AP2M1: variants seen among roughly 807,000 people sequenced by gnomAD.
The protein encoded by AP2M1 is AP-2 complex subunit mu.
Under a neutral mutation model 54.5 loss-of-function variants are expected in AP2M1, and 5 were observed. That is an observed-to-expected ratio of 0.09 (90% CI 0.05 to 0.19). AP2M1 has a LOEUF of 0.19. AP2M1 is among the 10% of genes least tolerant of loss of function. The pLI, the probability that AP2M1 is intolerant of heterozygous loss-of-function variation, is 1.00. For synonymous variants in AP2M1, 186 were observed against 208.2 expected (o/e 0.89, Z 0.92); for missense variants, 178 against 580.2 (o/e 0.31, Z 7.12).
In AP2M1 at chr3:184,183,808, C is replaced by A; in HGVS notation, c.*192C>A. On this transcript the variant is annotated 3_prime_UTR_variant, in exon 12 of 12. Coordinates refer to ENST00000292807, the MANE Select transcript of AP2M1 (RefSeq NM_004068.4). The surrounding 1 kb of genome is among the most constrained non-coding windows in gnomAD (Gnocchi z 5.7). ...TGGAGCAGCCCCTGGGCTCCCTGGG[C>A]AGGGGAGTTCTGAGGCTCCTGCTCT... 1 of 618,264 alleles carries A rather than the reference C, an allele frequency of 1.6e-6. No homozygotes were observed. The highest frequency in any genetic ancestry group is 2.8e-6 in the Non-Finnish European group (1 of 363,516). The allele number at this position is 618,264 out of a possible 1,614,324, so 38.3% of individuals were successfully genotyped here. A position where few individuals can be genotyped will look rare whatever the true frequency, so the allele number is the denominator to read the frequency against.
Position 184,178,723 on chromosome 3 carries a change from C to T in AP2M1, c.75-134C>T, listed in dbSNP as rs2231215. The T allele has an allele frequency of 1.8e-5, 21 of 1,141,964 alleles. 1 individual carries two copies. Among genetic ancestry groups the T allele is most frequent in the Admixed American group, 1.5e-4 (6 of 39,726 alleles). The allele number at this position is 1,141,964 out of a possible 1,614,324, so 70.7% of individuals were successfully genotyped here. ...AAGGGAACCACTCCAGTGGTTTAGG[C>T]ATTGGCTTTCTTTGGAGTGTGTGTG... On this transcript the variant is annotated intron_variant, in intron 2 of 11. Coordinates refer to ENST00000292807, the MANE Select transcript of AP2M1 (RefSeq NM_004068.4). This position sits in a 1 kb window ranked among gnomAD's most constrained non-coding sequence, Gnocchi z 4.9.
Position 184,181,855 on chromosome 3 carries a change from A to C in AP2M1, c.827+40A>C, listed in dbSNP as rs1470074501. The C allele has an allele frequency of 2.5e-6, 4 of 1,614,084 alleles. No homozygotes were observed. Among genetic ancestry groups the C allele is most frequent in the Non-Finnish European group, 3.4e-6 (4 of 1,179,944 alleles). On this transcript the variant is annotated intron_variant, in intron 8 of 11. Coordinates refer to ENST00000292807, the MANE Select transcript of AP2M1 (RefSeq NM_004068.4). This position sits in a 1 kb window ranked among gnomAD's most constrained non-coding sequence, Gnocchi z 5.7. ...TGAGGAGGCAGCTAGTGCTGCTGGCAGACTGGGGAGAGGAAGTGGGTCAGC... is the reference window on the plus strand; with the variant it reads ...TGAGGAGGCAGCTAGTGCTGCTGGCCGACTGGGGAGAGGAAGTGGGTCAGC...
At chr3:184,176,302 C>G (rs1715070815) in intron 1 of AP2M1, among the ~76,000 whole-genome samples, 1 of 152,124 alleles carries the variant, frequency 6.6e-6, no homozygotes, top group Non-Finnish European at 1.5e-5. Context: ...GCCCTAGGAC[C>G]TTCCTCCTGT....
chr3:184,183,405 G>C lies in AP2M1; in HGVS notation c.1174-77G>C. 1.3e-6 allele frequency: 2 copies of C among 1,592,084 alleles called. No homozygotes were observed. Among genetic ancestry groups the C allele is most frequent in the Non-Finnish European group, 8.6e-7 (1 of 1,167,686 alleles). On this transcript the variant is annotated intron_variant, in intron 11 of 11. Coordinates refer to ENST00000292807, the MANE Select transcript of AP2M1 (RefSeq NM_004068.4). The surrounding 1 kb of genome is among the most constrained non-coding windows in gnomAD (Gnocchi z 5.7). ...AACACCTGTAGTAGCGATGAAGTAG[G>C]GCAGGGCAACGGGACTTCCCAGAGG...
At position 184,175,207 on chromosome 3, in the gene AP2M1, T is replaced by G. The variant is rs111679843; in HGVS notation, c.-44+248T>G. ...CGCCTCCCATGAGAGGGATACCGCT[T>G]GGAATCCTCCCAGAGCAGGAACGCT... On this transcript the variant is annotated intron_variant, in intron 1 of 11. Transcript: ENST00000292807. 6.2e-5 allele frequency: 24 copies of G among 385,292 alleles called. 3 individuals are homozygous for G. Among genetic ancestry groups the G allele is most frequent in the African/African-American group, 3.3e-4 (16 of 48,300 alleles). The allele number at this position is 385,292 out of a possible 1,614,324, so 23.9% of individuals were successfully genotyped here. A position where few individuals can be genotyped will look rare whatever the true frequency, so the allele number is the denominator to read the frequency against.
intron 2 of AP2M1, chr3:184,177,958 G>A: frequency 1.6e-6 from 1 of 615,392 alleles, no homozygotes; most frequent in Non-Finnish European, 2.9e-6. Flanking sequence ...TGTGGCATGA[G>A]CTAGAGCTGC....
At position 184,183,293 on chromosome 3, in the gene AP2M1, A is replaced by G; in HGVS notation, c.1174-189A>G. ...TCCTGCTGATTAAAGGAACTGATTC[A>G]AGGTGTCACAGGTAGGGCTTTCTTC... On this transcript the variant is annotated intron_variant, in intron 11 of 11. Transcript: ENST00000292807. The surrounding 1 kb of genome is among the most constrained non-coding windows in gnomAD (Gnocchi z 5.7). The G allele has an allele frequency of 1.4e-6, 1 of 720,190 alleles. No homozygotes were observed. The highest frequency in any genetic ancestry group is 2.3e-6 in the Non-Finnish European group (1 of 438,698). The allele number at this position is 720,190 out of a possible 1,614,324, so 44.6% of individuals were successfully genotyped here.
chr3:184,178,033 T>C lies in AP2M1; in HGVS notation c.75-824T>C, dbSNP rs1715136904. Among the ~76,000 whole-genome samples, 1 of 146,040 alleles carries C rather than the reference T, an allele frequency of 6.8e-6. No individual in the cohort carries two copies. Among genetic ancestry groups the C allele is most frequent in the African/African-American group, 2.5e-5 (1 of 40,144 alleles). Reference sequence around the variant, plus strand: ...ACACCCCCCACCCCAGACCCCCTCCTGCCTTGGATGGACTGGGCAAGCCAA... The same window carrying C: ...ACACCCCCCACCCCAGACCCCCTCCCGCCTTGGATGGACTGGGCAAGCCAA... On this transcript the variant is annotated intron_variant, in intron 2 of 11. Coordinates refer to ENST00000292807, the MANE Select transcript of AP2M1 (RefSeq NM_004068.4). This position sits in a 1 kb window ranked among gnomAD's most constrained non-coding sequence, Gnocchi z 4.9.
In AP2M1 at chr3:184,183,373, CCATA is replaced by C; in HGVS notation, c.1174-106_1174-103del. 9 of 1,515,322 alleles carry C rather than the reference CCATA, an allele frequency of 5.9e-6. No individual in the cohort carries two copies. The highest frequency in any genetic ancestry group is 7.1e-6 in the Non-Finnish European group (8 of 1,123,228). 93.9% of individuals were successfully genotyped at this position (1,515,322 alleles called of 1,614,324 possible). On this transcript the variant is annotated intron_variant, in intron 11 of 11. Coordinates refer to ENST00000292807, the MANE Select transcript of AP2M1 (RefSeq NM_004068.4). The surrounding 1 kb of genome is among the most constrained non-coding windows in gnomAD (Gnocchi z 5.7). Reference sequence around the variant, plus strand: ...GCCCCAGCTTCTTTCAGGACCCCAGCCATACAAACACCTGTAGTAGCGATGAAGT... The same window carrying C: ...GCCCCAGCTTCTTTCAGGACCCCAGCCAAACACCTGTAGTAGCGATGAAGT...
chr3:184,176,937 C>T lies in AP2M1; in HGVS notation c.-43-14C>T. ...TTCTGAGGTCTTCTTTTACCCTGCCCCCGCCTGTCCTAGGTCTGTTCTCAG... is the reference window on the plus strand; with the variant it reads ...TTCTGAGGTCTTCTTTTACCCTGCCTCCGCCTGTCCTAGGTCTGTTCTCAG... On this transcript the variant is annotated splice_polypyrimidine_tract_variant and intron_variant, in intron 1 of 11. Coordinates refer to ENST00000292807, the MANE Select transcript of AP2M1 (RefSeq NM_004068.4). The T allele has an allele frequency of 6.3e-7, 1 of 1,579,188 alleles. No individual in the cohort carries two copies. The highest frequency in any genetic ancestry group is 1.1e-5 in the South Asian group (1 of 87,626).
At position 184,182,228 on chromosome 3, in the gene AP2M1, C is replaced by T. The variant is rs770699298; in HGVS notation, c.1041C>T (p.Ser347=). Residue 347 remains serine (S), a synonymous_variant, in exon 10 of 12, where the codon AGC becomes AGT. Transcript: ENST00000292807. This position sits in a 1 kb window ranked among gnomAD's most constrained non-coding sequence, Gnocchi z 5.5. ...CMKGKAKYKA[S]ENAIVWKIKR... is the part of the protein sequence containing the mutation. ...AGGGGAAGGCCAAGTACAAGGCCAGCGAGAATGCCATCGTGTGGAAGTGAG... is the reference window on the plus strand; with the variant it reads ...AGGGGAAGGCCAAGTACAAGGCCAGTGAGAATGCCATCGTGTGGAAGTGAG... The T allele has an allele frequency of 1.4e-5, 23 of 1,613,976 alleles. No individual in the cohort carries two copies. In the South Asian group the frequency reaches 1.9e-4, roughly 13 times the overall value.
At position 184,180,681 on chromosome 3, in the gene AP2M1, A is replaced by G. The variant is rs1394228917; in HGVS notation, c.429+31A>G. On this transcript the variant is annotated intron_variant, in intron 5 of 11. Transcript: ENST00000292807. The surrounding 1 kb of genome is among the most constrained non-coding windows in gnomAD (Gnocchi z 4.9). ...CTCTTCCCTCAGCTTCCACCCTTGC[A>G]GCTTTGCTTTGTTTCTCCAGGCCCT... 1 of 1,614,068 alleles carries G rather than the reference A, an allele frequency of 6.2e-7. No homozygotes were observed. The highest frequency in any genetic ancestry group is 2.2e-5 in the East Asian group (1 of 44,884).
At position 184,181,828 on chromosome 3, in the gene AP2M1, T is replaced by A. The variant is rs1293014869; in HGVS notation, c.827+13T>A. The stretch of plus-strand genomic sequence containing the variant: ...TTGAGCTTATGAGGTGCCATTGGGG[T>A]GTGAGGAGGCAGCTAGTGCTGCTGG... On this transcript the variant is annotated intron_variant, in intron 8 of 11. Transcript: ENST00000292807. This position sits in a 1 kb window ranked among gnomAD's most constrained non-coding sequence, Gnocchi z 5.7. The A allele has an allele frequency of 6.2e-7, 1 of 1,614,016 alleles. No homozygotes were observed. Among genetic ancestry groups the A allele is most frequent in the Admixed American group, 1.7e-5 (1 of 60,002 alleles).
chr3:184,175,360 G>T (rs1577056522), intron 1 of AP2M1, among the ~76,000 whole-genome samples: 3 of 152,042 alleles, frequency 2.0e-5, no homozygotes, highest in Admixed American at 6.5e-5. Flanking sequence ...CTCACGCCAT[G>T]CGGCACCCCC....
Position 184,181,478 on chromosome 3 carries a change from G to A in AP2M1, c.708-218G>A, listed in dbSNP as rs1050150393. 5 of 814,068 alleles carry A rather than the reference G, an allele frequency of 6.1e-6. No individual in the cohort carries two copies. In the South Asian group the frequency reaches 9.1e-5, roughly 15 times the overall value. The allele number at this position is 814,068 out of a possible 1,614,324, so 50.4% of individuals were successfully genotyped here. A position where few individuals can be genotyped will look rare whatever the true frequency, so the allele number is the denominator to read the frequency against. On this transcript the variant is annotated intron_variant, in intron 7 of 11. Coordinates refer to ENST00000292807, the MANE Select transcript of AP2M1 (RefSeq NM_004068.4). This position sits in a 1 kb window ranked among gnomAD's most constrained non-coding sequence, Gnocchi z 5.7. ...TACATACTGACAGCCTCTGCCCAGTGTGCCTGAAACACCCAGGTCCCTAGC... is the reference window on the plus strand; with the variant it reads ...TACATACTGACAGCCTCTGCCCAGTATGCCTGAAACACCCAGGTCCCTAGC...
rs1715266737 is a variant in AP2M1, at chr3:184,181,326, A to G, written c.707+100A>G. 3.9e-6 allele frequency: 6 copies of G among 1,538,076 alleles called. No individual in the cohort carries two copies. The African/African-American group carries it at 4.1e-5, about 10-fold the overall frequency. On this transcript the variant is annotated intron_variant, in intron 7 of 11. Transcript: ENST00000292807. This position sits in a 1 kb window ranked among gnomAD's most constrained non-coding sequence, Gnocchi z 5.7. ...TCTTCTGGATTTCATTCCCACTGTA[A>G]TTGCAAACTCTGTTCCTGACGGTAA...
At chr3:184,177,603 G>A (rs2109028734) in intron 2 of AP2M1, 1 of 1,535,996 alleles carries the variant, frequency 6.5e-7, no homozygotes, top group Non-Finnish European at 8.7e-7. Flanking sequence ...CTGGGGAGTG[G>A]CTGGAAGCGT....
chr3:184,175,015 T>G, intron 1 of AP2M1, 56 bp downstream of exon 1: 1 of 398,200 alleles, frequency 2.5e-6, no homozygotes, highest in Non-Finnish European at 4.4e-6. Context: ...GTCGTCTGCC[T>G]CGCCGCGCAG....
rs552694885 is a variant in AP2M1, at chr3:184,183,329, T to C, written c.1174-153T>C. ...GGTAGGGCTTTCTTCTTTAGTCACC[T>C]CTTAGAAGGTCCCACGCCGCCCCAG... On this transcript the variant is annotated intron_variant, in intron 11 of 11. Transcript: ENST00000292807. This position sits in a 1 kb window ranked among gnomAD's most constrained non-coding sequence, Gnocchi z 5.7. 3.4e-4 allele frequency: 393 copies of C among 1,149,578 alleles called. 4 individuals are homozygous for C. Among genetic ancestry groups the C allele is most frequent in the Non-Finnish European group, 2.3e-5 (19 of 810,264 alleles). The allele number at this position is 1,149,578 out of a possible 1,614,324, so 71.2% of individuals were successfully genotyped here.
Sources: gnomAD v4.1 joint callset for allele counts (sites outside exome capture counted in the v4.1 genomes callset) on GRCh38, gnomAD v4.1.1 for gene constraint, Gnocchi (gnomAD v3.1) non-coding constraint, MANE v1.5 for transcripts, NCBI Gene and HGNC (gene_info 2026-07-23, HGNC 2026-07-21) for gene names.